Variants in GNA15 observed in about 807,000 individuals in gnomAD.
GNA15 encodes the protein G protein subunit alpha 15.
A neutral mutation model predicts 40.1 loss-of-function variants in GNA15; 23 were observed. The observed-to-expected ratio is 0.57, with a 90% CI of 0.41 to 0.81. The LOEUF is 0.81. Ranked by LOEUF, GNA15 falls within the 40% of genes least tolerant of loss-of-function variation. GNA15 has a pLI of 0.00. For missense variants in GNA15, 522 were observed against 515.8 expected (o/e 1.01, Z -0.12); for synonymous variants, 226 against 210.4 (o/e 1.07, Z -0.64).
Position 3,151,631 on chromosome 19 carries a change from C to T in GNA15, c.486-76C>T. 6.8e-7 allele frequency: 1 copy of T among 1,471,742 alleles called. No individual in the cohort carries two copies. Among genetic ancestry groups the T allele is most frequent in the Non-Finnish European group, 9.0e-7 (1 of 1,108,512 alleles). 91.2% of individuals were successfully genotyped at this position (1,471,742 alleles called of 1,614,324 possible). On this transcript the variant is annotated intron_variant, in intron 3 of 6. Transcript: ENST00000262958. This position sits in a 1 kb window ranked among gnomAD's most constrained non-coding sequence, Gnocchi z 5.0. Reference sequence around the variant, plus strand: ...CTCTCCTCCCCCAGCAGGGTCCTTGCTGGGCCTTTCGTAGGGCCTGGGAAG... The same window carrying T: ...CTCTCCTCCCCCAGCAGGGTCCTTGTTGGGCCTTTCGTAGGGCCTGGGAAG...
At chr19:3,145,359 A>ATT (rs71179976) in intron 1 of GNA15, among the ~76,000 whole-genome samples, 582 of 46,944 alleles carry the variant, frequency 0.012, 20 homozygotes, top group South Asian at 0.039. Flanking sequence ...ATATATATAT[A>ATT]TTTTTTTTTT....
Position 3,145,359 on chromosome 19 carries a change from A to ATATATT in GNA15, c.146-3231_146-3230insATATTT. Among the ~76,000 whole-genome samples the ATATATT allele has an allele frequency of 5.4e-3, 255 of 46,952 alleles. 5 individuals are homozygous for ATATATT. Among genetic ancestry groups the ATATATT allele is most frequent in the African/African-American group, 0.017 (190 of 10,910 alleles). 30.8% of individuals were successfully genotyped at this position (46,952 alleles called of 152,430 possible). A position where few individuals can be genotyped will look rare whatever the true frequency, so the allele number is the denominator to read the frequency against. On this transcript the variant is annotated intron_variant, in intron 1 of 6. Coordinates refer to ENST00000262958, the MANE Select transcript of GNA15 (RefSeq NM_002068.4). ...TAAATATATATATATATATATATAT[A>ATATATT]TTTTTTTTTTTTTGTAGAGATGGGG...
chr19:3,157,686 C>T, intron 5 of GNA15, 42 bp from the exon 6 acceptor site: 1 of 1,590,870 alleles, frequency 6.3e-7, no homozygotes, highest in Non-Finnish European at 8.6e-7. Flanking sequence ...CCTGTCCCAC[C>T]TGGCTGGTTG....
intron 1 of GNA15, chr19:3,146,524 C>T (rs1914724915): frequency 1.3e-5 from 2 of 152,110 alleles, no homozygotes; most frequent in South Asian, 4.1e-4. Context: ...CAGCTTGCAC[C>T]CAGCCCCAGA....
At position 3,155,333 on chromosome 19, in the gene GNA15, G is replaced by C. The variant is rs574048812; in HGVS notation, c.615-490G>C. ...GGGGCAGGGTTCAGGCTTTTGTTAC[G>C]GTGCGTGGGGCTGAGTCACAGATGG... On this transcript the variant is annotated intron_variant, in intron 4 of 6. Coordinates refer to ENST00000262958, the MANE Select transcript of GNA15 (RefSeq NM_002068.4). This position sits in a 1 kb window ranked among gnomAD's most constrained non-coding sequence, Gnocchi z 5.6. Among the ~76,000 whole-genome samples, 172 of 152,266 alleles carry C rather than the reference G, an allele frequency of 1.1e-3. No homozygotes were observed. Among genetic ancestry groups the C allele is most frequent in the African/African-American group, 3.9e-3 (163 of 41,552 alleles).
At position 3,155,855 on chromosome 19, in the gene GNA15, G is replaced by C; in HGVS notation, c.647G>C (p.Arg216Pro). 1 of 1,613,916 alleles carries C rather than the reference G, an allele frequency of 6.2e-7. No homozygotes were observed. ...GACGTCGGGGGCCAGAAGTCAGAGCGTAAGAAATGGATCCATTGTTTCGAG... is the reference window on the plus strand; with the variant it reads ...GACGTCGGGGGCCAGAAGTCAGAGCCTAAGAAATGGATCCATTGTTTCGAG... ...IVDVGGQKSE[R>P]KKWIHCFENV... The change falls in exon 5 of 7, where the codon CGT becomes CCT. Residue 216 changes from arginine (R) to proline (P), a missense_variant. By Grantham distance (103) the Arg-to-Pro change is moderately radical (BLOSUM62 -2). Transcript: ENST00000262958. This position sits in a 1 kb window ranked among gnomAD's most constrained non-coding sequence, Gnocchi z 5.6.
rs2144859641 is a variant in GNA15 at position 3,155,900 on chromosome 19, A to G, written c.692A>G (p.Tyr231Cys). The G allele has an allele frequency of 1.2e-6, 2 of 1,613,894 alleles. No homozygotes were observed. Among genetic ancestry groups the G allele is most frequent in the Non-Finnish European group, 1.7e-6 (2 of 1,179,832 alleles). ...TTCGAGAACGTGATCGCCCTCATCT[A>G]CCTGGCCTCACTGAGTGAATACGAC... Reference protein sequence around the residue: ...HCFENVIALIYLASLSEYDQC... With the variant: ...HCFENVIALICLASLSEYDQC... Residue 231 changes from tyrosine (Y) to cysteine (C), a missense_variant, in exon 5 of 7, where the codon TAC becomes TGC. Tyr to Cys is a radical substitution (Grantham distance 194). Transcript: ENST00000262958. The surrounding 1 kb of genome is among the most constrained non-coding windows in gnomAD (Gnocchi z 5.6).
At position 3,151,103 on chromosome 19, in the gene GNA15, C is replaced by T. The variant is rs140514921; in HGVS notation, c.486-604C>T. Among the ~76,000 whole-genome samples, 230 of 151,004 alleles carry T rather than the reference C, an allele frequency of 1.5e-3. 2 individuals are homozygous for T. The highest frequency in any genetic ancestry group is 5.4e-3 in the African/African-American group (223 of 41,114). On this transcript the variant is annotated intron_variant, in intron 3 of 6. Coordinates refer to ENST00000262958, the MANE Select transcript of GNA15 (RefSeq NM_002068.4). The surrounding 1 kb of genome is among the most constrained non-coding windows in gnomAD (Gnocchi z 5.0). The stretch of plus-strand genomic sequence containing the variant: ...CCCTATTCCTAGAGAACCCTGTTCC[C>T]GGAGTGACCCTATTCCTGGCGGGAA...
Position 3,138,616 on chromosome 19 carries a change from TTTTTC to T in GNA15, c.145+2029_145+2033del, listed in dbSNP as rs1465595154. Among the ~76,000 whole-genome samples, 5 of 152,156 alleles carry T rather than the reference TTTTTC, an allele frequency of 3.3e-5. No individual in the cohort carries two copies. In the East Asian group the frequency reaches 7.7e-4, roughly 23 times the overall value. ...CCTTCACTGGGGGCCCTTTCTTTCTTTTTTCTTTTCTTATTTTTATTTTTATTTTT... is the reference window on the plus strand; with the variant it reads ...CCTTCACTGGGGGCCCTTTCTTTCTTTTTTCTTATTTTTATTTTTATTTTT... On this transcript the variant is annotated intron_variant, in intron 1 of 6. Coordinates refer to ENST00000262958, the MANE Select transcript of GNA15 (RefSeq NM_002068.4).
Position 3,155,979 on chromosome 19 carries a change from C to A in GNA15, c.744+27C>A. On this transcript the variant is annotated intron_variant, in intron 5 of 6. Transcript: ENST00000262958. The surrounding 1 kb of genome is among the most constrained non-coding windows in gnomAD (Gnocchi z 5.6). ...TGCGCCACCGCCTCCCTCGCCCTGC[C>A]CACTTGTTGGCCCAGGGACCCTCAC... 1 of 1,609,406 alleles carries A rather than the reference C, an allele frequency of 6.2e-7. No individual in the cohort carries two copies. Among genetic ancestry groups the A allele is most frequent in the Non-Finnish European group, 8.5e-7 (1 of 1,176,664 alleles).
In GNA15 at chr19:3,162,843, A is replaced by T. The variant is rs1393781581; in HGVS notation, c.949A>T (p.Thr317Ser). ...AAKRFILDMY[T>S]RMYTGCVDGP... ...CAAGAGGTTCATCCTGGACATGTAC[A>T]CGAGGATGTACACCGGGTGCGTGGA... The change falls in exon 7 of 7, where the codon ACG (threonine) becomes TCG (serine). Residue 317 changes from threonine to serine, a missense_variant. Transcript: ENST00000262958. The T allele has an allele frequency of 6.2e-7, 1 of 1,614,038 alleles. No individual in the cohort carries two copies. The highest frequency in any genetic ancestry group is 2.2e-5 in the East Asian group (1 of 44,886).
At chr19:3,139,273 C>G (rs948506339) in intron 1 of GNA15, among the ~76,000 whole-genome samples, 1 of 151,998 alleles carries the variant, frequency 6.6e-6, no homozygotes, top group Admixed American at 6.6e-5. Flanking sequence ...TAGCCTTGAT[C>G]CCTCTTACTG....
intron 5 of GNA15, 94 bp from the exon 6 acceptor site, chr19:3,157,634 G>C: frequency 9.1e-7 from 1 of 1,101,842 alleles, no homozygotes; most frequent in South Asian, 1.4e-5. Flanking sequence ...GTGAGCCCAT[G>C]CCCCTGGAGC....
In GNA15 at chr19:3,151,577, C is replaced by A; in HGVS notation, c.486-130C>A. 8.9e-7 allele frequency: 1 copy of A among 1,128,326 alleles called. No individual in the cohort carries two copies. Among genetic ancestry groups the A allele is most frequent in the Non-Finnish European group, 1.2e-6 (1 of 815,488 alleles). The allele number at this position is 1,128,326 out of a possible 1,614,324, so 69.9% of individuals were successfully genotyped here. The stretch of plus-strand genomic sequence containing the variant: ...GGGACGCTCCTGGGCCATCTGCCAA[C>A]TCCAGGGACCCCACCTCCACCCAGG... On this transcript the variant is annotated intron_variant, in intron 3 of 6. Coordinates refer to ENST00000262958, the MANE Select transcript of GNA15 (RefSeq NM_002068.4). The surrounding 1 kb of genome is among the most constrained non-coding windows in gnomAD (Gnocchi z 5.0).
chr19:3,158,101 G>A (rs1310021065), intron 6 of GNA15, among the ~76,000 whole-genome samples: 2 of 152,260 alleles, frequency 1.3e-5, no homozygotes, highest in African/African-American at 4.8e-5. Flanking sequence ...ACTGAGTAAA[G>A]TGAGGAATTC....
In GNA15 at chr19:3,151,772, G is replaced by A. The variant is rs200432733; in HGVS notation, c.551G>A (p.Arg184His). ...GTCCCCACAGCTCAGGACGTGCTCC[G>A]CAGCCGCATGCCCACCACTGGCATC... Reference protein sequence around the residue: ...GYVPTAQDVLRSRMPTTGINE... With the variant: ...GYVPTAQDVLHSRMPTTGINE... Residue 184 changes from arginine to histidine, a missense_variant, in exon 4 of 7, where the codon CGC becomes CAC. Arg to His is a conservative substitution (Grantham distance 29, BLOSUM62 0). Coordinates refer to ENST00000262958, the MANE Select transcript of GNA15 (RefSeq NM_002068.4). This position sits in a 1 kb window ranked among gnomAD's most constrained non-coding sequence, Gnocchi z 5.0. 73 of 1,612,612 alleles carry A rather than the reference G, an allele frequency of 4.5e-5. No homozygotes were observed. The highest frequency in any genetic ancestry group is 2.2e-5 in the East Asian group (1 of 44,798).
At chr19:3,138,689 G>A (rs77166875) in intron 1 of GNA15, among the ~76,000 whole-genome samples, 3,885 of 152,106 alleles carry the variant, frequency 0.026, 72 homozygotes, top group Non-Finnish European at 0.041. Flanking sequence ...GGGGTGCAGT[G>A]GTGCGATCTC....
At chr19:3,156,069 C>A in intron 5 of GNA15, 117 bp downstream of exon 5, 1 of 957,218 alleles carries the variant, frequency 1.0e-6, no homozygotes, top group Non-Finnish European at 1.6e-6. Flanking sequence ...TGTGTGTGCC[C>A]AGCATGGCTA....
At chr19:3,138,374 A>C (rs1914499841) in intron 1 of GNA15, among the ~76,000 whole-genome samples, 2 of 143,308 alleles carry the variant, frequency 1.4e-5, no homozygotes, top group African/African-American at 2.6e-5. Context: ...TAAGCCCGGG[A>C]TGCTAGCCTG....
Sources: allele counts gnomAD v4.1 joint callset (sites outside exome capture counted in the v4.1 genomes callset), GRCh38; gene constraint gnomAD v4.1.1; non-coding constraint Gnocchi (gnomAD v3.1); transcripts MANE v1.5; gene names NCBI Gene and HGNC (gene_info 2026-07-23, HGNC 2026-07-21).